Variants in B3GALT1 observed in about 807,000 individuals in gnomAD.
B3GALT1 encodes beta-1,3-galactosyltransferase 1.
Under a neutral mutation model 23.2 loss-of-function variants are expected in B3GALT1, and 10 were observed. The ratio of observed to expected loss-of-function variants is 0.43; its 90% CI spans 0.27 to 0.73. The LOEUF (loss-of-function observed/expected upper bound fraction) is 0.73, where lower values mean the gene tolerates loss of function less well. Ranked by LOEUF, B3GALT1 falls within the 30% of genes least tolerant of loss-of-function variation. The pLI is 0.21. For synonymous variants in B3GALT1, 156 were observed against 141.5 expected, an observed-to-expected ratio of 1.10 and a Z score of -0.73; for missense variants, 299 against 405.4, an observed-to-expected ratio of 0.74 and a Z score of 2.25.
chr2:167,823,100 A>G (rs533240190), intron 4 of B3GALT1, among the ~76,000 whole-genome samples: 3 of 152,070 alleles, frequency 2.0e-5, no homozygotes, highest in African/African-American at 7.2e-5. Flanking sequence ...GCCATCAGTA[A>G]AGGAGCTCTG....
At chr2:167,729,401 G>A (rs1687372389) in intron 3 of B3GALT1, among the ~76,000 whole-genome samples, 1 of 152,168 alleles carries the variant, frequency 6.6e-6, no homozygotes, top group Non-Finnish European at 1.5e-5. Flanking sequence ...ACGATGTCAA[G>A]GAATTAGAGA....
chr2:167,441,154 C>T lies in B3GALT1; in HGVS notation c.-510-49023C>T, dbSNP rs189888015. ...TTTGACCAAATGGACTCTAGCATTG[C>T]GTGCATGACTAGTTCACATTCAAGG... On this transcript the variant is annotated intron_variant, in intron 1 of 4. Coordinates refer to ENST00000392690, the MANE Select transcript of B3GALT1 (RefSeq NM_020981.4). Among the ~76,000 whole-genome samples, 20 of 152,234 alleles carry T rather than the reference C, an allele frequency of 1.3e-4. No homozygotes were observed. The East Asian group carries it at 2.3e-3, about 18-fold the overall frequency.
At chr2:167,543,128 A>G (rs1457224670) in intron 2 of B3GALT1, among the ~76,000 whole-genome samples, 1 of 152,158 alleles carries the variant, frequency 6.6e-6, no homozygotes, top group African/African-American at 2.4e-5. Flanking sequence ...AACAGAGGAA[A>G]ATTACAATTT....
intron 1 of B3GALT1, among the ~76,000 whole-genome samples, chr2:167,297,685 C>A (rs1344400227): frequency 6.6e-6 from 1 of 152,046 alleles, no homozygotes; most frequent in Admixed American, 6.6e-5. Context: ...TCTTTGGGGT[C>A]TTTAGCTTAC....
chr2:167,609,694 G>A (rs774609968), intron 2 of B3GALT1, among the ~76,000 whole-genome samples: 1 of 152,078 alleles, frequency 6.6e-6, no homozygotes, highest in Non-Finnish European at 1.5e-5. Context: ...GTCCATTATT[G>A]TGCTACACAC....
chr2:167,308,374 T>C (rs1696581105), intron 1 of B3GALT1, among the ~76,000 whole-genome samples: 1 of 152,010 alleles, frequency 6.6e-6, no homozygotes, highest in African/African-American at 2.4e-5. Flanking sequence ...TAGGGTAGTC[T>C]AATAAGGGAA....
intron 1 of B3GALT1, among the ~76,000 whole-genome samples, chr2:167,475,471 A>T (rs1052051353): frequency 3.3e-5 from 5 of 149,372 alleles, no homozygotes; most frequent in African/African-American, 1.2e-4. Context: ...AAGAGAAGAA[A>T]TTTTTTTTTT....
intron 3 of B3GALT1, among the ~76,000 whole-genome samples, chr2:167,691,755 A>G (rs531950202): frequency 1.3e-4 from 20 of 152,320 alleles, no homozygotes; most frequent in Non-Finnish European, 2.5e-4. Flanking sequence ...TTAAACATAA[A>G]TAATTAATTT....
intron 3 of B3GALT1, among the ~76,000 whole-genome samples, chr2:167,809,190 C>T (rs1204582549): frequency 2.0e-5 from 3 of 151,464 alleles, no homozygotes; most frequent in Non-Finnish European, 4.4e-5. Context: ...TTCGTCTAAT[C>T]TTTTTTCAAG....
chr2:167,621,506 A>G (rs183544315), intron 2 of B3GALT1, among the ~76,000 whole-genome samples: 3 of 152,184 alleles, frequency 2.0e-5, no homozygotes, highest in African/African-American at 4.8e-5. Context: ...TTTCACTTCA[A>G]AGGAACTCCA....
At chr2:167,562,291 T>C (rs1684017040) in intron 2 of B3GALT1, among the ~76,000 whole-genome samples, 1 of 152,226 alleles carries the variant, frequency 6.6e-6, no homozygotes, top group Non-Finnish European at 1.5e-5. Flanking sequence ...ACATTAGGTA[T>C]TGATGGGACA....
intron 3 of B3GALT1, among the ~76,000 whole-genome samples, chr2:167,686,218 A>G (rs1305750010): frequency 6.6e-6 from 1 of 152,188 alleles, no homozygotes; most frequent in Non-Finnish European, 1.5e-5. Context: ...TAGGTTTACT[A>G]ACAAAATCAT....
intron 3 of B3GALT1, among the ~76,000 whole-genome samples, chr2:167,750,765 C>T (rs1687722424): frequency 6.6e-6 from 1 of 151,364 alleles, no homozygotes; most frequent in African/African-American, 2.4e-5. Flanking sequence ...CTAAGCCCCT[C>T]GCAGGTAACA....
At chr2:167,628,443 A>G (rs1283730014) in intron 2 of B3GALT1, among the ~76,000 whole-genome samples, 1 of 151,634 alleles carries the variant, frequency 6.6e-6, no homozygotes, top group Non-Finnish European at 1.5e-5. Context: ...TCTAACCTCT[A>G]CCCAAATCAT....
In B3GALT1 at chr2:167,443,608, T is replaced by C. The variant is rs536372460; in HGVS notation, c.-510-46569T>C. Among the ~76,000 whole-genome samples, 7 of 152,292 alleles carry C rather than the reference T, an allele frequency of 4.6e-5. No individual in the cohort carries two copies. In the South Asian group the frequency reaches 1.5e-3, roughly 32 times the overall value. ...TCACATCCCTTGTAAGTTGGATTCC[T>C]AGGTATTTTATTCTCTTTGAAGCAA... On this transcript the variant is annotated intron_variant, in intron 1 of 4. Transcript: ENST00000392690.
chr2:167,517,222 G>GTT, intron 2 of B3GALT1, among the ~76,000 whole-genome samples: 1 of 149,868 alleles, frequency 6.7e-6, no homozygotes, highest in African/African-American at 2.4e-5. Context: ...TATTGTTAAG[G>GTT]TTTTTTTTTC....
chr2:167,565,444 A>T (rs890215228), intron 2 of B3GALT1, among the ~76,000 whole-genome samples: 3 of 152,186 alleles, frequency 2.0e-5, no homozygotes, highest in Non-Finnish European at 4.4e-5. Context: ...GACATAGGCA[A>T]GGGCAAGAAC....
chr2:167,370,062 T>C (rs984642669), intron 1 of B3GALT1, among the ~76,000 whole-genome samples: 5 of 152,238 alleles, frequency 3.3e-5, no homozygotes, highest in Non-Finnish European at 7.3e-5. Flanking sequence ...TGAAATTAAC[T>C]GTAATTAAAT....
At chr2:167,426,345 G>A (rs1698624394) in intron 1 of B3GALT1, among the ~76,000 whole-genome samples, 1 of 151,372 alleles carries the variant, frequency 6.6e-6, no homozygotes, top group Admixed American at 6.6e-5. Flanking sequence ...TGCAATCTTG[G>A]CTCAATACAA....
Sources: allele counts gnomAD v4.1 joint callset (sites outside exome capture counted in the v4.1 genomes callset), GRCh38; gene constraint gnomAD v4.1.1; transcripts MANE v1.5; gene names NCBI Gene and HGNC (gene_info 2026-07-23, HGNC 2026-07-21).